The following ESYT2 variants were observed in gnomAD, a reference collection of about 807,000 sequenced individuals.
ESYT2 encodes the protein extended synaptotagmin 2, also known as extended synaptotagmin-2.
ESYT2 carries 54 observed loss-of-function variants against 107.2 expected under a neutral mutation model. The ratio of observed to expected loss-of-function variants is 0.50; its 90% CI spans 0.40 to 0.63. The LOEUF (loss-of-function observed/expected upper bound fraction) is 0.63, where lower values mean the gene tolerates loss of function less well. ESYT2 is among the 30% of genes least tolerant of loss of function. The probability of loss-of-function intolerance (pLI) is 0.00; values close to 1 mark genes in which losing one functional copy is unlikely to be tolerated. For missense variants in ESYT2, 1,020 were observed against 1,094.5 expected, an observed-to-expected ratio of 0.93 and a Z score of 0.96; for synonymous variants, 491 against 434.1, an observed-to-expected ratio of 1.13 and a Z score of -1.63.
At chr7:158,817,106 T>C (rs1840167697) in intron 1 of ESYT2, among the ~76,000 whole-genome samples, 1 of 152,204 alleles carries the variant, frequency 6.6e-6, no homozygotes, top group Non-Finnish European at 1.5e-5. Flanking sequence ...AGCTCCCAAC[T>C]ATCTGAACAG....
intron 1 of ESYT2, among the ~76,000 whole-genome samples, chr7:158,826,021 GAAA>G (rs34601173): frequency 8.3e-6 from 1 of 120,018 alleles, no homozygotes; most frequent in African/African-American, 3.1e-5. Context: ...CTCATCTCTA[GAAA>G]AAAAAAAAAA....
At chr7:158,747,928 C>A (rs193298372) in intron 16 of ESYT2, among the ~76,000 whole-genome samples, 3 of 152,302 alleles carry the variant, frequency 2.0e-5, no homozygotes, top group Non-Finnish European at 1.5e-5. Context: ...TAATTATCAC[C>A]AGAGAATATA....
intron 3 of ESYT2, among the ~76,000 whole-genome samples, chr7:158,796,750 C>T (rs72505586): frequency 0.11 from 16,174 of 152,008 alleles, 1,304 homozygotes; most frequent in East Asian, 0.43. Context: ...GGAAGCAGGA[C>T]GGTCTCCCAG....
intron 6 of ESYT2, among the ~76,000 whole-genome samples, chr7:158,775,852 G>A (rs544254576): frequency 6.6e-6 from 1 of 152,208 alleles, no homozygotes; most frequent in African/African-American, 2.4e-5. Context: ...GACTTACTTT[G>A]CCCAGATCCA....
At chr7:158,804,946 C>T (rs1310825191) in intron 1 of ESYT2, among the ~76,000 whole-genome samples, 2 of 152,176 alleles carry the variant, frequency 1.3e-5, no homozygotes, top group East Asian at 1.9e-4. Context: ...CAACTCAGAG[C>T]CACCTCTTCA....
chr7:158,764,920 TA>T (rs1466631622), intron 8 of ESYT2, 67 bp from the exon 9 acceptor site: 6 of 1,494,210 alleles, frequency 4.0e-6, no homozygotes, highest in Non-Finnish European at 5.5e-6. Context: ...GGAAGATAGC[TA>T]CGCACCTAAC....
chr7:158,778,840 G>A (rs1341568077), intron 6 of ESYT2, among the ~76,000 whole-genome samples: 1 of 151,636 alleles, frequency 6.6e-6, no homozygotes, highest in East Asian at 1.9e-4. Flanking sequence ...GTGACTGGCT[G>A]GCTTCACTTT....
intron 3 of ESYT2, among the ~76,000 whole-genome samples, chr7:158,795,603 G>A (rs909658466): frequency 7.2e-6 from 1 of 139,850 alleles, no homozygotes; most frequent in African/African-American, 3.0e-5. Context: ...GACAGAGCAT[G>A]CAGCCCCTGC....
chr7:158,753,781 T>G (rs1259988756), intron 13 of ESYT2, among the ~76,000 whole-genome samples: 5 of 151,836 alleles, frequency 3.3e-5, no homozygotes, highest in African/African-American at 7.3e-5. Flanking sequence ...CTAGATCCAC[T>G]GCGTCCGTCT....
chr7:158,732,017 T>G lies in ESYT2; in HGVS notation c.*2190A>C, dbSNP rs1478337387. On this transcript the variant is annotated 3_prime_UTR_variant, in exon 23 of 23. Transcript: ENST00000275418. ...CTGGGGACAGCGCTACTGACTCCAC[T>G]GCCTCAGGGCAGGCACGGTGCTGCT... 2.6e-5 allele frequency: 4 copies of G among 152,210 alleles called. No homozygotes were observed. The highest frequency in any genetic ancestry group is 5.9e-5 in the Non-Finnish European group (4 of 68,050). 9.4% of individuals were successfully genotyped at this position (152,210 alleles called of 1,614,324 possible).
intron 6 of ESYT2, among the ~76,000 whole-genome samples, chr7:158,786,226 G>A (rs1839111471): frequency 6.6e-6 from 1 of 152,154 alleles, no homozygotes; most frequent in African/African-American, 2.4e-5. Flanking sequence ...AAATTTTGAA[G>A]AAGATTTAAA....
intron 6 of ESYT2, among the ~76,000 whole-genome samples, chr7:158,784,964 C>T (rs1007424545): frequency 2.6e-5 from 4 of 152,100 alleles, no homozygotes; most frequent in Non-Finnish European, 4.4e-5. Context: ...CCCCTCTAGT[C>T]GAGGGATAAA....
At chr7:158,745,610 C>T (rs1455590390) in intron 16 of ESYT2, among the ~76,000 whole-genome samples, 1 of 151,986 alleles carries the variant, frequency 6.6e-6, no homozygotes, top group Non-Finnish European at 1.5e-5. Flanking sequence ...TAAAGCCGGT[C>T]TCAAACATAA....
chr7:158,776,455 T>G (rs1202452235), intron 6 of ESYT2, among the ~76,000 whole-genome samples: 1 of 152,268 alleles, frequency 6.6e-6, no homozygotes, highest in African/African-American at 2.4e-5. Context: ...CTAGATCTTC[T>G]GGATAACTTG....
chr7:158,749,687 C>A lies in ESYT2; in HGVS notation c.1519G>T (p.Val507Phe). The change falls in exon 15 of 23, where the codon GTC (valine) becomes TTC (phenylalanine). Residue 507 changes from valine to phenylalanine, a missense_variant. By Grantham distance (50) the Val-to-Phe change is conservative. Coordinates refer to ENST00000275418, the MANE Select transcript of ESYT2 (RefSeq NM_001367773.1). Reference sequence around the variant, plus strand: ...GCCTTGTGCCCAACTGACATCTGGACAACAGGATTTGGGTTGCTGCTTATT... The same window carrying A: ...GCCTTGTGCCCAACTGACATCTGGAAAACAGGATTTGGGTTGCTGCTTATT... ...KKISSNPNPV[V>F]QMSVGHKAQE... 1 of 1,614,068 alleles carries A rather than the reference C, an allele frequency of 6.2e-7. No homozygotes were observed. Among genetic ancestry groups the A allele is most frequent in the Non-Finnish European group, 8.5e-7 (1 of 1,180,004 alleles).
chr7:158,739,628 G>A (rs1462862910), intron 18 of ESYT2, among the ~76,000 whole-genome samples: 1 of 152,318 alleles, frequency 6.6e-6, no homozygotes, highest in East Asian at 1.9e-4. Context: ...GATTACAGGC[G>A]TGAGCCATCG....
intron 6 of ESYT2, among the ~76,000 whole-genome samples, chr7:158,781,427 G>T (rs539275436): frequency 1.8e-5 from 1 of 54,650 alleles, no homozygotes; most frequent in South Asian, 4.7e-4. Context: ...AAGAACGAGT[G>T]AGAAGTGTGA....
rs1563031436 is a variant in ESYT2, at chr7:158,804,299, TCGAGAAGGGTGAGGCGCGC to T, written c.331-5246_331-5228del. On this transcript the variant is annotated intron_variant, in intron 1 of 22. Coordinates refer to ENST00000275418, the MANE Select transcript of ESYT2 (RefSeq NM_001367773.1). ...TGAGGCGCGCGACAAACCCAAACCG[TCGAGAAGGGTGAGGCGCGC>T]GACAAACCCAAACCGCCGAGAAGGG... 3.1e-3 allele frequency among the ~76,000 whole-genome samples: 74 copies of T among 24,052 alleles called. 1 individual carries two copies. The highest frequency in any genetic ancestry group is 0.017 in the African/African-American group (69 of 4,176). 15.8% of individuals were successfully genotyped at this position (24,052 alleles called of 152,430 possible). A position where few individuals can be genotyped will look rare whatever the true frequency, so the allele number is the denominator to read the frequency against.
intron 7 of ESYT2, among the ~76,000 whole-genome samples, chr7:158,772,680 C>A (rs142757716): frequency 6.6e-6 from 1 of 152,158 alleles, no homozygotes. Context: ...GACTCCTTGT[C>A]TCTAAGCAGG....
Sources: allele counts gnomAD v4.1 joint callset (sites outside exome capture counted in the v4.1 genomes callset), GRCh38; gene constraint gnomAD v4.1.1; transcripts MANE v1.5; gene names NCBI Gene and HGNC (gene_info 2026-07-23, HGNC 2026-07-21).